The following MAPK10 variants were observed in gnomAD, a reference collection of about 807,000 sequenced individuals.
MAPK10 encodes JNK3 alpha protein kinase.
MAPK10 carries 25 observed loss-of-function variants against 59.3 expected under a neutral mutation model. The ratio of observed to expected loss-of-function variants is 0.42; its 90% CI spans 0.31 to 0.59. The LOEUF (loss-of-function observed/expected upper bound fraction) is 0.59. Among genes scored for constraint, MAPK10 ranks in the 20% least tolerant of loss-of-function variants. The pLI, the probability that MAPK10 is intolerant of heterozygous loss-of-function variation, is 0.15. For synonymous variants in MAPK10, 190 were observed against 200.5 expected, an observed-to-expected ratio of 0.95 and a Z score of 0.44; for missense variants, 351 against 568.9, an observed-to-expected ratio of 0.62 and a Z score of 3.90.
chr4:86,314,939 G>T (rs1201282393), intron 2 of MAPK10, among the ~76,000 whole-genome samples: 4 of 151,914 alleles, frequency 2.6e-5, no homozygotes, highest in African/African-American at 9.7e-5. Flanking sequence ...CCAACACATA[G>T]AATTATTTTT....
At position 86,011,853 on chromosome 4, in the gene MAPK10, A is replaced by G. The variant is rs940600977; in HGVS notation, c.*5375T>C. On this transcript the variant is annotated 3_prime_UTR_variant, in exon 14 of 14. Coordinates refer to ENST00000641462, the MANE Select transcript of MAPK10 (RefSeq NM_138982.4). The stretch of plus-strand genomic sequence containing the variant: ...TAATTGGTTAAATAAAACATTATTT[A>G]CAGAAATAGAAGAGCCACTCCTCAA... 9.2e-5 allele frequency: 14 copies of G among 152,358 alleles called. No individual in the cohort carries two copies. The highest frequency in any genetic ancestry group is 3.4e-4 in the African/African-American group (14 of 41,588). 9.4% of individuals were successfully genotyped at this position (152,358 alleles called of 1,614,324 possible).
chr4:86,250,162 C>T (rs1231885253), intron 2 of MAPK10, among the ~76,000 whole-genome samples: 4 of 152,200 alleles, frequency 2.6e-5, no homozygotes, highest in Middle Eastern at 3.4e-3. Context: ...ATAGGAATGC[C>T]GATCTTTACA....
At chr4:86,474,131 A>G (rs1752881049) in intron 1 of MAPK10, among the ~76,000 whole-genome samples, 1 of 152,258 alleles carries the variant, frequency 6.6e-6, no homozygotes, top group African/African-American at 2.4e-5. Flanking sequence ...TGTCATGTAT[A>G]TATTTCCAAC....
At chr4:86,255,496 T>C (rs1033767567) in intron 2 of MAPK10, among the ~76,000 whole-genome samples, 1 of 152,202 alleles carries the variant, frequency 6.6e-6, no homozygotes, top group African/African-American at 2.4e-5. Flanking sequence ...GCTGTCCTGA[T>C]AGTGTATCTG....
At chr4:86,285,169 G>T (rs750981330) in intron 2 of MAPK10, among the ~76,000 whole-genome samples, 9 of 152,024 alleles carry the variant, frequency 5.9e-5, no homozygotes, top group Non-Finnish European at 8.8e-5. Flanking sequence ...CAAAATCATG[G>T]AATCTTACCT....
chr4:86,333,686 C>A (rs962732139), intron 2 of MAPK10, among the ~76,000 whole-genome samples: 1 of 152,134 alleles, frequency 6.6e-6, no homozygotes, highest in African/African-American at 2.4e-5. Context: ...AGCTAGGATG[C>A]CTGGTTTTAA....
At chr4:86,045,848 C>T (rs113705815) in intron 11 of MAPK10, among the ~76,000 whole-genome samples, 5 of 151,466 alleles carry the variant, frequency 3.3e-5, no homozygotes, top group African/African-American at 1.2e-4. Flanking sequence ...TGGATAATTT[C>T]TTTTTTAGCC....
chr4:86,120,700 T>C (rs1219234501), intron 4 of MAPK10: 1 of 152,210 alleles, frequency 6.6e-6, no homozygotes, highest in African/African-American at 2.4e-5. Flanking sequence ...GACCATTCAA[T>C]GGACCATTCA....
rs916322830 is a variant in MAPK10 at position 86,176,643 on chromosome 4, T to G, written c.67-17176A>C. On this transcript the variant is annotated intron_variant, in intron 3 of 13. Transcript: ENST00000641462. ...ACTATAATAACTACTTAATAAATTT[T>G]TAGAAAAAAACTGCTCAGCATATAA... Among the ~76,000 whole-genome samples the G allele has an allele frequency of 2.2e-5, 3 of 135,536 alleles. No individual in the cohort carries two copies. In the South Asian group the frequency reaches 6.5e-4, roughly 29 times the overall value. 88.9% of individuals were successfully genotyped at this position (135,536 alleles called of 152,430 possible). A position where few individuals can be genotyped will look rare whatever the true frequency, so the allele number is the denominator to read the frequency against.
intron 1 of MAPK10, among the ~76,000 whole-genome samples, chr4:86,407,416 G>C (rs1724598575): frequency 1.3e-5 from 2 of 152,154 alleles, no homozygotes; most frequent in African/African-American, 4.8e-5. Context: ...AAAAAAAGAT[G>C]AGTGCAGAGT....
chr4:86,069,511 A>C (rs779100921), intron 9 of MAPK10, among the ~76,000 whole-genome samples: 1 of 152,252 alleles, frequency 6.6e-6, no homozygotes, highest in Admixed American at 6.5e-5. Flanking sequence ...AAAACATTAT[A>C]TAAGGTTAGA....
intron 1 of MAPK10, among the ~76,000 whole-genome samples, chr4:86,495,371 G>A (rs1484569895): frequency 6.6e-6 from 1 of 152,072 alleles, no homozygotes; most frequent in African/African-American, 2.4e-5. Flanking sequence ...TGGCCAATCT[G>A]GCCTATCCAC....
chr4:86,235,489 T>C (rs541444449), intron 2 of MAPK10, among the ~76,000 whole-genome samples: 3 of 152,352 alleles, frequency 2.0e-5, no homozygotes, highest in South Asian at 2.1e-4. Context: ...TGCTTTGTGC[T>C]CTTTCCTGTA....
At chr4:86,155,900 G>C (rs2067631816) in intron 4 of MAPK10, among the ~76,000 whole-genome samples, 1 of 151,970 alleles carries the variant, frequency 6.6e-6, no homozygotes, top group Non-Finnish European at 1.5e-5. Flanking sequence ...TATTGCAACA[G>C]TTGCTCTGAT....
chr4:86,469,445 G>C (rs114790665), intron 1 of MAPK10, among the ~76,000 whole-genome samples: 8 of 152,174 alleles, frequency 5.3e-5, no homozygotes, highest in Non-Finnish European at 7.3e-5. Context: ...TATTGGGCAG[G>C]TTGTTGGACC....
chr4:86,566,936 G>A (rs976766261), intron 1 of MAPK10, among the ~76,000 whole-genome samples: 2 of 152,070 alleles, frequency 1.3e-5, no homozygotes, highest in Non-Finnish European at 2.9e-5. Flanking sequence ...TGGCATGGTG[G>A]TGCATGCCTT....
chr4:86,591,356 A>G (rs1191512756), intron 1 of MAPK10, among the ~76,000 whole-genome samples: 1 of 151,904 alleles, frequency 6.6e-6, no homozygotes. Flanking sequence ...CTTGATTTTC[A>G]TATGTTTTTT....
chr4:86,186,955 C>T (rs192190847), intron 3 of MAPK10, among the ~76,000 whole-genome samples: 78 of 152,102 alleles, frequency 5.1e-4, no homozygotes, highest in African/African-American at 1.8e-3. Flanking sequence ...TTAAGTATAC[C>T]ATTGTTTGTC....
At chr4:86,080,113 A>G (rs2050327355) in intron 9 of MAPK10, 1 of 152,080 alleles carries the variant, frequency 6.6e-6, no homozygotes, top group Non-Finnish European at 1.5e-5. Flanking sequence ...TTATAAATGA[A>G]TGTCTATTTT....
Sources: gnomAD v4.1 joint callset for allele counts (sites outside exome capture counted in the v4.1 genomes callset) on GRCh38, gnomAD v4.1.1 for gene constraint, MANE v1.5 for transcripts, NCBI Gene and HGNC (gene_info 2026-07-23, HGNC 2026-07-21) for gene names.